Variants in TGFBR3 observed in about 807,000 individuals in gnomAD.
TGFBR3 encodes transforming growth factor beta receptor 3, also known as transforming growth factor beta receptor type 3.
Under a neutral mutation model 87.9 loss-of-function variants are expected in TGFBR3, and 46 were observed. That is an observed-to-expected ratio of 0.52 (90% confidence interval 0.41 to 0.67). The LOEUF (loss-of-function observed/expected upper bound fraction) is 0.67. Ranked by LOEUF, TGFBR3 falls within the 30% of genes least tolerant of loss-of-function variation. TGFBR3 has a pLI of 0.00. For synonymous variants in TGFBR3, 381 were observed against 391.6 expected (o/e 0.97, Z 0.32); for missense variants, 866 against 1,041.9 (o/e 0.83, Z 2.32).
At chr1:91,737,102 T>C (rs1273607375) in intron 4 of TGFBR3, among the ~76,000 whole-genome samples, 1 of 152,146 alleles carries the variant, frequency 6.6e-6, no homozygotes, top group African/African-American at 2.4e-5. Context: ...CCTCCAGGCA[T>C]TGTTGTCCTC....
At chr1:91,852,439 G>A (rs1571573407) in intron 2 of TGFBR3, among the ~76,000 whole-genome samples, 1 of 152,176 alleles carries the variant, frequency 6.6e-6, no homozygotes, top group Non-Finnish European at 1.5e-5. Context: ...ACGCATGCAC[G>A]CACATGCTGT....
intron 2 of TGFBR3, among the ~76,000 whole-genome samples, chr1:91,845,267 A>G (rs897558675): frequency 4.6e-5 from 7 of 152,204 alleles, no homozygotes; most frequent in Non-Finnish European, 8.8e-5. Flanking sequence ...GGATTTGTAC[A>G]TAAGTACTTA....
intron 2 of TGFBR3, among the ~76,000 whole-genome samples, chr1:91,846,591 A>AT (rs5776123): frequency 8.6e-5 from 13 of 151,744 alleles, no homozygotes; most frequent in Non-Finnish European, 1.6e-4. Context: ...CCCTGAAGAC[A>AT]TTTTTTTTCT....
In TGFBR3 at chr1:91,839,752, C is replaced by T. The variant is rs186403627; in HGVS notation, c.61+21719G>A. Reference sequence around the variant, plus strand: ...CCTGGAGGAGGCTAAGGAGACAAGGCGACTAAATGCAATGTGAGATCCTGG... The same window carrying T: ...CCTGGAGGAGGCTAAGGAGACAAGGTGACTAAATGCAATGTGAGATCCTGG... On this transcript the variant is annotated intron_variant, in intron 2 of 16. Coordinates refer to ENST00000212355, the MANE Select transcript of TGFBR3 (RefSeq NM_003243.5). Among the ~76,000 whole-genome samples, 414 of 152,076 alleles carry T rather than the reference C, an allele frequency of 2.7e-3. 3 individuals carry two copies. Among genetic ancestry groups the T allele is most frequent in the African/African-American group, 9.7e-3 (402 of 41,454 alleles).
chr1:91,760,554 G>A (rs944156267), intron 3 of TGFBR3, among the ~76,000 whole-genome samples: 3 of 152,010 alleles, frequency 2.0e-5, no homozygotes, highest in African/African-American at 7.2e-5. Context: ...TTACCTAAAG[G>A]GGAAAAAAAG....
intron 16 of TGFBR3, chr1:91,695,458 C>T (rs1226335380): frequency 7.4e-6 from 4 of 542,026 alleles, no homozygotes; most frequent in East Asian, 3.3e-5. Context: ...ACATCACAAT[C>T]GCAATTAGCA....
chr1:91,727,587 A>T (rs752286370), intron 7 of TGFBR3, 72 bp downstream of exon 7: 111 of 1,584,072 alleles, frequency 7.0e-5, no homozygotes, highest in Non-Finnish European at 9.5e-5. Flanking sequence ...TTTAAAAATA[A>T]CACTTATAAA....
intron 2 of TGFBR3, among the ~76,000 whole-genome samples, chr1:91,897,961 G>A (rs1051515237): frequency 6.6e-6 from 1 of 151,862 alleles, no homozygotes; most frequent in Admixed American, 6.6e-5. Flanking sequence ...CCCGAGGCAG[G>A]AAGATTGCTT....
intron 14 of TGFBR3, among the ~76,000 whole-genome samples, chr1:91,704,569 C>T (rs1382666885): frequency 6.6e-6 from 1 of 152,148 alleles, no homozygotes; most frequent in African/African-American, 2.4e-5. Context: ...TACAGAGGTG[C>T]TATGAGGATA....
intron 2 of TGFBR3, among the ~76,000 whole-genome samples, chr1:91,832,501 C>G (rs1344330040): frequency 6.6e-6 from 1 of 152,168 alleles, no homozygotes; most frequent in Non-Finnish European, 1.5e-5. Flanking sequence ...TTATTCCTCA[C>G]AACAACCTTG....
chr1:91,894,048 C>T (rs1308637909), intron 2 of TGFBR3, among the ~76,000 whole-genome samples: 1 of 152,014 alleles, frequency 6.6e-6, no homozygotes, highest in Non-Finnish European at 1.5e-5. Flanking sequence ...CTCAAGTCTT[C>T]AATACCTTCT....
At chr1:91,880,357 T>G (rs1302969780) in intron 1 of TGFBR3, among the ~76,000 whole-genome samples, 1 of 152,060 alleles carries the variant, frequency 6.6e-6, no homozygotes, top group East Asian at 1.9e-4. Context: ...TCCCAGCACG[T>G]TGGGAGGCCA....
intron 5 of TGFBR3, among the ~76,000 whole-genome samples, chr1:91,733,965 G>T (rs1672861888): frequency 6.8e-6 from 1 of 146,950 alleles, no homozygotes; most frequent in African/African-American, 2.5e-5. Context: ...AGCCCTGCAG[G>T]TTGAGGCTGC....
chr1:91,777,026 C>T (rs1368666308), intron 3 of TGFBR3, among the ~76,000 whole-genome samples: 4 of 152,146 alleles, frequency 2.6e-5, no homozygotes, highest in Non-Finnish European at 5.9e-5. Flanking sequence ...GAGGTTACCC[C>T]AAATCTCTGA....
intron 5 of TGFBR3, among the ~76,000 whole-genome samples, chr1:91,730,905 A>G (rs1672743903): frequency 6.6e-6 from 1 of 152,368 alleles, no homozygotes; most frequent in Admixed American, 6.5e-5. Flanking sequence ...AGAGTTGCTC[A>G]CCACCTCCAC....
intron 2 of TGFBR3, among the ~76,000 whole-genome samples, chr1:91,830,723 G>A (rs962150464): frequency 3.9e-5 from 6 of 152,130 alleles, no homozygotes; most frequent in South Asian, 4.2e-4. Flanking sequence ...TGGGGCACAG[G>A]AAGAATGAAG....
chr1:91,720,133 G>A lies in TGFBR3; in HGVS notation c.1173C>T (p.Ile391=). 6.2e-7 allele frequency: 1 copy of A among 1,614,084 alleles called. No homozygotes were observed. The highest frequency in any genetic ancestry group is 1.7e-4 in the Middle Eastern group (1 of 6,054). Residue 391 remains isoleucine, a synonymous_variant, in exon 9 of 17, where the codon ATC becomes ATT. Transcript: ENST00000212355. ...CTCCATTTTGGCCTTCCCCTCCCCG[G>A]ATGGGCGGGTTCTGCAGGGCAGGCA... ...GALPALQNPP[I]RGGEGQNGGL...
intron 3 of TGFBR3, among the ~76,000 whole-genome samples, chr1:91,761,602 TC>T (rs979302205): frequency 6.6e-6 from 1 of 151,922 alleles, no homozygotes; most frequent in Non-Finnish European, 1.5e-5. Context: ...TTTCTATGCT[TC>T]CCCCGCTTGA....
chr1:91,760,448 T>C (rs1377254990), intron 3 of TGFBR3, among the ~76,000 whole-genome samples: 5 of 152,022 alleles, frequency 3.3e-5, no homozygotes, highest in African/African-American at 9.7e-5. Flanking sequence ...GTGCTTAACA[T>C]AGACACGATA....
Sources: gnomAD v4.1 joint callset for allele counts (sites outside exome capture counted in the v4.1 genomes callset) on GRCh38, gnomAD v4.1.1 for gene constraint, MANE v1.5 for transcripts, NCBI Gene and HGNC (gene_info 2026-07-23, HGNC 2026-07-21) for gene names.